The following COX7B2 variants were observed in gnomAD, a reference collection of about 807,000 sequenced individuals.
The protein encoded by COX7B2 is cytochrome c oxidase subunit 7B2, mitochondrial.
For missense variants in COX7B2, 109 were observed against 95.9 expected (o/e 1.14, Z -0.57); for synonymous variants, 37 against 32.1 (o/e 1.15, Z -0.51).
Position 46,755,959 on chromosome 4 carries a change from A to T in COX7B2, c.-49-20718T>A, listed in dbSNP as rs1335616119. Among the ~76,000 whole-genome samples, 8 of 151,974 alleles carry T rather than the reference A, an allele frequency of 5.3e-5. No homozygotes were observed. In the East Asian group the frequency reaches 1.3e-3, roughly 26 times the overall value. On this transcript the variant is annotated intron_variant, in intron 2 of 2. Transcript: ENST00000355591. Reference sequence around the variant, plus strand: ...CAGTTTTCACAAAATTATTTAAAATAATCTTAAATTTTATATGGAACCAAA... The same window carrying T: ...CAGTTTTCACAAAATTATTTAAAATTATCTTAAATTTTATATGGAACCAAA...
At chr4:46,749,524 T>C (rs10001459) in intron 2 of COX7B2, among the ~76,000 whole-genome samples, 49,608 of 151,810 alleles carry the variant, frequency 0.33, 8,329 homozygotes, top group South Asian at 0.47. Flanking sequence ...ACATTAAAAA[T>C]ATTGTAGTAT....
chr4:46,885,764 C>A (rs1290886241), intron 1 of COX7B2, among the ~76,000 whole-genome samples: 4 of 152,024 alleles, frequency 2.6e-5, no homozygotes, highest in African/African-American at 9.7e-5. Context: ...ACATATAATT[C>A]TTCCGGTGGA....
chr4:46,768,051 C>A (rs1483850851), intron 2 of COX7B2, among the ~76,000 whole-genome samples: 4 of 152,342 alleles, frequency 2.6e-5, no homozygotes, highest in African/African-American at 7.2e-5. Context: ...CCTCTGGAAC[C>A]CCAAATGGCG....
At chr4:46,763,815 G>A (rs745854075) in intron 2 of COX7B2, among the ~76,000 whole-genome samples, 1 of 152,126 alleles carries the variant, frequency 6.6e-6, no homozygotes, top group Admixed American at 6.5e-5. Flanking sequence ...ACATGTGCAT[G>A]CACATACACA....
intron 2 of COX7B2, among the ~76,000 whole-genome samples, chr4:46,754,720 G>GTATATATATATATATATATA (rs1244503006): frequency 8.1e-5 from 3 of 36,842 alleles, no homozygotes; most frequent in African/African-American, 4.1e-4. Context: ...GTGTGTGTGT[G>GTATATATATATATATATATA]TGTGTGTGTA....
At chr4:46,884,337 A>G (rs903617289) in intron 1 of COX7B2, among the ~76,000 whole-genome samples, 17 of 152,208 alleles carry the variant, frequency 1.1e-4, no homozygotes, top group Non-Finnish European at 1.6e-4. Context: ...GATTACATGC[A>G]TGAGCCACCA....
intron 2 of COX7B2, among the ~76,000 whole-genome samples, chr4:46,771,219 C>T (rs952893401): frequency 1.3e-5 from 2 of 152,184 alleles, no homozygotes; most frequent in Non-Finnish European, 2.9e-5. Context: ...AAATTCTCAA[C>T]ATCACTAACT....
intron 1 of COX7B2, among the ~76,000 whole-genome samples, chr4:46,861,670 G>A (rs1347860903): frequency 3.3e-5 from 5 of 152,168 alleles, no homozygotes; most frequent in Non-Finnish European, 5.9e-5. Context: ...ACAAAATAGG[G>A]AGAGGTTGCT....
intron 2 of COX7B2, among the ~76,000 whole-genome samples, chr4:46,770,832 G>T (rs1716834662): frequency 6.6e-6 from 1 of 152,032 alleles, no homozygotes; most frequent in Non-Finnish European, 1.5e-5. Flanking sequence ...ACTCAAAAGG[G>T]ATTAAAGACT....
intron 2 of COX7B2, among the ~76,000 whole-genome samples, chr4:46,779,625 C>CCAAT (rs1227477120): frequency 3.7e-4 from 56 of 152,204 alleles, no homozygotes; most frequent in African/African-American, 1.3e-3. Context: ...AATGGCTGCA[C>CCAAT]CAATCTACAT....
chr4:46,803,736 T>C (rs866310190), intron 2 of COX7B2, among the ~76,000 whole-genome samples: 19 of 148,558 alleles, frequency 1.3e-4, no homozygotes, highest in East Asian at 3.9e-4. Flanking sequence ...TACTTTCTTT[T>C]TTTTTTTTTT....
In COX7B2 at chr4:46,778,036, A is replaced by C. The variant is rs567598241; in HGVS notation, c.-49-42795T>G. On this transcript the variant is annotated intron_variant, in intron 2 of 2. Transcript: ENST00000355591. ...TTAATAAATGTGATCTATTATTATC[A>C]CTACCAGCTCATTTTGACACCATCA... is the stretch of plus-strand genomic sequence containing the variant. 3.3e-5 allele frequency among the ~76,000 whole-genome samples: 5 copies of C among 152,156 alleles called. No individual in the cohort carries two copies. In the South Asian group the frequency reaches 1.0e-3, roughly 32 times the overall value.
intron 2 of COX7B2, among the ~76,000 whole-genome samples, chr4:46,760,749 T>C (rs989439501): frequency 3.3e-5 from 5 of 152,036 alleles, no homozygotes; most frequent in Non-Finnish European, 7.4e-5. Flanking sequence ...CAAATAAAAT[T>C]TCTGAAATAT....
At chr4:46,862,975 T>A (rs925396785) in intron 1 of COX7B2, among the ~76,000 whole-genome samples, 1 of 152,172 alleles carries the variant, frequency 6.6e-6, no homozygotes, top group Non-Finnish European at 1.5e-5. Context: ...TATGGGAAGA[T>A]AAGTTTCTAA....
intron 1 of COX7B2, among the ~76,000 whole-genome samples, chr4:46,891,117 G>A (rs1719407946): frequency 6.6e-6 from 1 of 152,186 alleles, no homozygotes; most frequent in Non-Finnish European, 1.5e-5. Flanking sequence ...AGTGACAACA[G>A]AGATTATCCC....
At chr4:46,761,127 T>C (rs1716121261) in intron 2 of COX7B2, among the ~76,000 whole-genome samples, 2 of 152,152 alleles carry the variant, frequency 1.3e-5, no homozygotes, top group South Asian at 2.1e-4. Context: ...AGTTTAAGCA[T>C]TCTCTTGGTA....
intron 1 of COX7B2, among the ~76,000 whole-genome samples, chr4:46,896,554 C>G (rs955433708): frequency 6.6e-6 from 1 of 151,938 alleles, no homozygotes; most frequent in African/African-American, 2.4e-5. Flanking sequence ...AAAAGACTCA[C>G]AGTTGCTCAG....
chr4:46,800,398 A>G (rs1378147101), intron 2 of COX7B2, among the ~76,000 whole-genome samples: 1 of 152,206 alleles, frequency 6.6e-6, no homozygotes, highest in Non-Finnish European at 1.5e-5. Flanking sequence ...ACAGTATGGT[A>G]CTGGCACAAA....
chr4:46,823,728 C>G (rs1415971812), intron 2 of COX7B2, among the ~76,000 whole-genome samples: 1 of 150,614 alleles, frequency 6.6e-6, no homozygotes, highest in Admixed American at 6.6e-5. Flanking sequence ...AATACAAAGC[C>G]AAAATAAGGA....
Sources: gnomAD v4.1 joint callset for allele counts (sites outside exome capture counted in the v4.1 genomes callset) on GRCh38, gnomAD v4.1.1 for gene constraint, MANE v1.5 for transcripts, NCBI Gene and HGNC (gene_info 2026-07-23, HGNC 2026-07-21) for gene names.